CTBP1: variants seen among roughly 807,000 people sequenced by gnomAD.
The protein encoded by CTBP1 is C-terminal-binding protein 1.
In CTBP1, 11 loss-of-function variants were observed where a neutral mutation model predicts 42.1. The ratio of observed to expected loss-of-function variants is 0.26; its 90% CI spans 0.16 to 0.43. The LOEUF (loss-of-function observed/expected upper bound fraction) is 0.43, where lower values mean the gene tolerates loss of function less well. Among genes scored for constraint, CTBP1 ranks in the 20% least tolerant of loss-of-function variants. The probability of loss-of-function intolerance (pLI) is 1.00; values close to 1 mark genes in which losing one functional copy is unlikely to be tolerated. For missense variants in CTBP1, 399 were observed against 624.3 expected, an observed-to-expected ratio of 0.64 and a Z score of 3.85; for synonymous variants, 324 against 277.1, an observed-to-expected ratio of 1.17 and a Z score of -1.68.
In CTBP1 at chr4:1,232,305, G is replaced by C. The variant is rs77352542; in HGVS notation, c.163-3962C>G. Among the ~76,000 whole-genome samples, 917 of 152,146 alleles carry C rather than the reference G, an allele frequency of 6.0e-3. 7 individuals are homozygous for C. Among genetic ancestry groups the C allele is most frequent in the African/African-American group, 0.021 (861 of 41,468 alleles). The stretch of plus-strand genomic sequence containing the variant: ...TTATTTTTTAAATTTATTTTGCTAT[G>C]TCATTCTTTCTTTTTTTCCTTTTTG... On this transcript the variant is annotated intron_variant, in intron 3 of 9. Transcript: ENST00000382952.
At chr4:1,232,804 T>C (rs745814075) in intron 3 of CTBP1, 12 of 152,312 alleles carry the variant, frequency 7.9e-5, no homozygotes, top group Middle Eastern at 3.4e-3. Context: ...CGAGCATCTG[T>C]GGTGGGGGGA....
chr4:1,221,914 A>C, intron 5 of CTBP1: 2 of 380,262 alleles, frequency 5.3e-6, no homozygotes, highest in South Asian at 1.9e-5. Flanking sequence ...AAGGAGATGT[A>C]AGTCACGGGC....
At chr4:1,243,031 C>A (rs767768497) in intron 1 of CTBP1, 1 of 985,428 alleles carries the variant, frequency 1.0e-6, no homozygotes, top group South Asian at 4.7e-5. Flanking sequence ...CTCATTGATA[C>A]GGGCCAATAC....
intron 9 of CTBP1, 66 bp downstream of exon 9, chr4:1,212,847 G>T: frequency 7.2e-7 from 1 of 1,383,004 alleles, no homozygotes; most frequent in Non-Finnish European, 1.0e-6. Flanking sequence ...ACCAGGGGCT[G>T]TGCTGGGATC....
chr4:1,233,509 C>T lies in CTBP1; in HGVS notation c.162+4674G>A, dbSNP rs530404435. Among the ~76,000 whole-genome samples, 4 of 152,126 alleles carry T rather than the reference C, an allele frequency of 2.6e-5. No individual in the cohort carries two copies. The highest frequency in any genetic ancestry group is 7.2e-5 in the African/African-American group (3 of 41,428). The stretch of plus-strand genomic sequence containing the variant: ...TCCAGGCCCCGCAGCCCACACCGGA[C>T]GCAGCCTCCAGGCTCCAGGGCTTCC... On this transcript the variant is annotated intron_variant, in intron 3 of 9. Transcript: ENST00000382952. The surrounding 1 kb of genome is among the most constrained non-coding windows in gnomAD (Gnocchi z 4.6).
intron 3 of CTBP1, chr4:1,236,252 G>C (rs957063364): frequency 9.3e-6 from 2 of 215,018 alleles, no homozygotes; most frequent in Non-Finnish European, 1.9e-5. Flanking sequence ...CTGAATCACT[G>C]ATCCCTGGCT....
intron 1 of CTBP1, chr4:1,245,338 A>G (rs1732607955): frequency 5.1e-6 from 5 of 985,316 alleles, no homozygotes; most frequent in Admixed American, 6.1e-5. Flanking sequence ...CAGCGAGCAC[A>G]TGCACACAAC....
intron 5 of CTBP1, chr4:1,221,698 G>A (rs1260971261): frequency 3.5e-5 from 12 of 339,202 alleles, no homozygotes; most frequent in Admixed American, 7.8e-5. Context: ...TCTAGGAAGC[G>A]GGACCCGGGT....
chr4:1,218,126 C>T (rs556793395), intron 5 of CTBP1: 2 of 152,328 alleles, frequency 1.3e-5, no homozygotes, highest in East Asian at 1.9e-4. Flanking sequence ...TTTTAAAGAA[C>T]AGGCCTTGGT....
intron 1 of CTBP1, chr4:1,244,256 T>C (rs1339742586): frequency 3.0e-6 from 3 of 985,110 alleles, no homozygotes; most frequent in Middle Eastern, 5.2e-4. Flanking sequence ...ATCGGTCCAT[T>C]CTGGTCTGGA....
rs989650064 is a variant in CTBP1 at position 1,225,559 on chromosome 4, G to A, written c.315C>T (p.Ala105=). 80 of 1,540,322 alleles carry A rather than the reference G, an allele frequency of 5.2e-5. No homozygotes were observed. The highest frequency in any genetic ancestry group is 6.1e-5 in the Non-Finnish European group (70 of 1,146,414). The change falls in exon 5 of 10, where the codon GCC becomes GCT. Residue 105 remains alanine (A), a synonymous_variant. Transcript: ENST00000382952. ...DIKSAGDLGI[A]VCNVPAASVE... ...CAGACGCCGCGGGCACGTTGCAGAC[G>A]GCAATGCCTGTGGGGACAAGGACAC...
intron 3 of CTBP1, among the ~76,000 whole-genome samples, chr4:1,231,841 G>A (rs1249519255): frequency 2.6e-5 from 4 of 152,174 alleles, no homozygotes; most frequent in African/African-American, 9.7e-5. Context: ...CACATGAAGG[G>A]CCAGGCCCAG....
chr4:1,218,799 A>AT (rs1286900561), intron 5 of CTBP1, among the ~76,000 whole-genome samples: 1 of 152,194 alleles, frequency 6.6e-6, no homozygotes, highest in African/African-American at 2.4e-5. Context: ...TAAGCAGAGT[A>AT]TAGGTTAAAA....
intron 4 of CTBP1, among the ~76,000 whole-genome samples, chr4:1,226,395 C>T (rs547512029): frequency 5.9e-5 from 9 of 152,176 alleles, no homozygotes; most frequent in South Asian, 2.1e-4. Flanking sequence ...TTCATAGGCC[C>T]GGAAGCTGGA....
chr4:1,241,094 C>T (rs1328590826), intron 2 of CTBP1, among the ~76,000 whole-genome samples: 1 of 152,218 alleles, frequency 6.6e-6, no homozygotes, highest in East Asian at 1.9e-4. Flanking sequence ...CAGCAGATGC[C>T]ACGGACAGGC....
chr4:1,213,757 A>C, intron 7 of CTBP1, 152 bp from the exon 8 acceptor site: 5 of 1,004,898 alleles, frequency 5.0e-6, no homozygotes, highest in Non-Finnish European at 7.0e-6. Flanking sequence ...GGCTGAGCTC[A>C]AGAGCACAGC....
At chr4:1,219,337 G>C (rs989756206) in intron 5 of CTBP1, among the ~76,000 whole-genome samples, 3 of 152,170 alleles carry the variant, frequency 2.0e-5, no homozygotes, top group Admixed American at 6.5e-5. Context: ...GAGTGACAGA[G>C]CAAGACCTTG....
intron 1 of CTBP1, chr4:1,241,732 C>T: frequency 8.3e-7 from 1 of 1,204,924 alleles, no homozygotes; most frequent in Admixed American, 3.5e-5. Flanking sequence ...GGTTGCAGTG[C>T]CAGGCCCGAG....
At chr4:1,223,211 A>C (rs1729945507) in intron 5 of CTBP1, among the ~76,000 whole-genome samples, 6 of 149,100 alleles carry the variant, frequency 4.0e-5, no homozygotes, top group South Asian at 2.2e-4. Context: ...CAAACCACAC[A>C]TGCGGGCCAT....
Sources: allele counts gnomAD v4.1 joint callset (sites outside exome capture counted in the v4.1 genomes callset), GRCh38; gene constraint gnomAD v4.1.1; non-coding constraint Gnocchi (gnomAD v3.1); transcripts MANE v1.5; gene names NCBI Gene and HGNC (gene_info 2026-07-23, HGNC 2026-07-21).